Variants in ADCY2 observed in about 807,000 individuals in gnomAD.
ADCY2 encodes adenylate cyclase type 2.
ADCY2 carries 31 observed loss-of-function variants against 125.2 expected under a neutral mutation model. The ratio of observed to expected loss-of-function variants is 0.25; its 90% CI spans 0.19 to 0.33. ADCY2 has a LOEUF of 0.33. ADCY2 is among the 10% of genes least tolerant of loss of function. The pLI, the probability that ADCY2 is intolerant of heterozygous loss-of-function variation, is 1.00. For missense variants in ADCY2, 904 were observed against 1,418.2 expected (o/e 0.64, Z 5.82); for synonymous variants, 512 against 548.4 (o/e 0.93, Z 0.93).
At chr5:7,654,148 A>G (rs1394314272) in intron 4 of ADCY2, 1 of 455,796 alleles carries the variant, frequency 2.2e-6, no homozygotes, top group Non-Finnish European at 4.4e-6. Flanking sequence ...AAGAGAAGTC[A>G]GGAAAGGGCC....
intron 20 of ADCY2, chr5:7,799,797 G>A (rs1427427533): frequency 6.6e-6 from 1 of 152,290 alleles, no homozygotes; most frequent in Non-Finnish European, 1.5e-5. Flanking sequence ...TCAGTGGGGA[G>A]GCCCAGGCAC....
At chr5:7,801,171 A>AAACCTTGG (rs1225510330) in intron 20 of ADCY2, 2 of 152,230 alleles carry the variant, frequency 1.3e-5, no homozygotes, top group Non-Finnish European at 2.9e-5. Context: ...AGGTGCCACC[A>AAACCTTGG]AACCTTGGAG....
chr5:7,776,273 CT>C (rs146958480), intron 18 of ADCY2, among the ~76,000 whole-genome samples: 20,780 of 151,468 alleles, frequency 0.14, 2,249 homozygotes, highest in East Asian at 0.62. Flanking sequence ...CCAGAGGTGC[CT>C]CTGAGGGTGG....
chr5:7,597,604 A>G (rs996641364), intron 3 of ADCY2, among the ~76,000 whole-genome samples: 1 of 152,150 alleles, frequency 6.6e-6, no homozygotes. Flanking sequence ...ACAAAAACCC[A>G]TCTGTATAAA....
intron 2 of ADCY2, among the ~76,000 whole-genome samples, chr5:7,415,802 G>A (rs1033240512): frequency 6.6e-6 from 1 of 152,162 alleles, no homozygotes; most frequent in Non-Finnish European, 1.5e-5. Context: ...ATCTGACAGC[G>A]TGATAAATGG....
At chr5:7,563,324 G>T (rs1214951257) in intron 3 of ADCY2, among the ~76,000 whole-genome samples, 3 of 152,154 alleles carry the variant, frequency 2.0e-5, no homozygotes, top group Non-Finnish European at 4.4e-5. Flanking sequence ...AATAAAATAT[G>T]CAGAGGAAAC....
At position 7,727,168 on chromosome 5, in the gene ADCY2, G is replaced by A. The variant is rs762541068; in HGVS notation, c.1778G>A (p.Arg593Gln). ...AGGTTCCTTTCTCCCCCTCAGTACC[G>A]GGCCACGGCACTGCCAGCGTTCAAG... The part of the protein sequence containing the change: ...FYNKVLEKEY[R>Q]ATALPAFKYY... Residue 593 changes from arginine to glutamine, a missense_variant, in exon 14 of 25, where the codon CGG becomes CAG. Physicochemically the swap from Arg to Gln is conservative, Grantham distance 43 (BLOSUM62 1). Around this residue, in one of 7 missense-constraint regions of ADCY2, gnomAD observed 144 missense variants for 227.7 expected, o/e 0.63. Transcript: ENST00000338316. The A allele has an allele frequency of 4.3e-6, 7 of 1,613,392 alleles. No individual in the cohort carries two copies. The highest frequency in any genetic ancestry group is 2.2e-5 in the East Asian group (1 of 44,890).
chr5:7,421,086 A>G (rs1391695662), intron 2 of ADCY2, among the ~76,000 whole-genome samples: 3 of 151,968 alleles, frequency 2.0e-5, no homozygotes, highest in Non-Finnish European at 4.4e-5. Context: ...GGCGCCCACC[A>G]GTCCCACCGG....
chr5:7,653,106 C>T (rs149025323), intron 4 of ADCY2, among the ~76,000 whole-genome samples: 66 of 152,332 alleles, frequency 4.3e-4, no homozygotes, highest in Middle Eastern at 6.8e-3. Context: ...GGAGGGCTGA[C>T]ATTTCAGTGC....
At chr5:7,824,229 G>C (rs2126544345) in intron 24 of ADCY2, among the ~76,000 whole-genome samples, 1 of 152,096 alleles carries the variant, frequency 6.6e-6, no homozygotes, top group Non-Finnish European at 1.5e-5. Flanking sequence ...ATGCTTTCTA[G>C]CCTGGAAACC....
chr5:7,774,338 G>A (rs1743649023), intron 18 of ADCY2, among the ~76,000 whole-genome samples: 1 of 152,222 alleles, frequency 6.6e-6, no homozygotes, highest in Admixed American at 6.5e-5. Context: ...AATGAGAATG[G>A]AAGTTAATTT....
intron 3 of ADCY2, among the ~76,000 whole-genome samples, chr5:7,523,468 G>A (rs1286309889): frequency 6.6e-6 from 1 of 152,170 alleles, no homozygotes; most frequent in Non-Finnish European, 1.5e-5. Context: ...TCACTCCATA[G>A]TATTTTATAA....
chr5:7,507,928 A>G (rs1254340658), intron 2 of ADCY2, among the ~76,000 whole-genome samples: 2 of 151,802 alleles, frequency 1.3e-5, no homozygotes, highest in African/African-American at 4.8e-5. Context: ...TTGTAAAATT[A>G]AAAAAAAACT....
At chr5:7,703,339 A>G (rs1175065444) in intron 7 of ADCY2, among the ~76,000 whole-genome samples, 1 of 152,168 alleles carries the variant, frequency 6.6e-6, no homozygotes, top group Non-Finnish European at 1.5e-5. Flanking sequence ...GTTTTCTTCT[A>G]GGGTTTTTAT....
At chr5:7,417,094 A>G (rs555529764) in intron 2 of ADCY2, among the ~76,000 whole-genome samples, 12 of 152,300 alleles carry the variant, frequency 7.9e-5, no homozygotes, top group Admixed American at 5.9e-4. Flanking sequence ...ACATCCAGAA[A>G]TATGCTCTTT....
chr5:7,562,734 G>C (rs1437339083), intron 3 of ADCY2, among the ~76,000 whole-genome samples: 1 of 152,108 alleles, frequency 6.6e-6, no homozygotes, highest in Non-Finnish European at 1.5e-5. Context: ...TGTTAGTTTA[G>C]CTAGAAACTA....
intron 2 of ADCY2, among the ~76,000 whole-genome samples, chr5:7,434,850 G>T (rs1740736496): frequency 6.6e-6 from 1 of 152,208 alleles, no homozygotes; most frequent in Non-Finnish European, 1.5e-5. Flanking sequence ...CAGCGTCTGT[G>T]CTGTGGGAGG....
chr5:7,643,696 A>C (rs1723715719), intron 4 of ADCY2, among the ~76,000 whole-genome samples: 3 of 151,980 alleles, frequency 2.0e-5, no homozygotes, highest in African/African-American at 7.2e-5. Flanking sequence ...TGCTTTTTGG[A>C]GAAATAAATA....
In ADCY2 at chr5:7,665,099, C is replaced by A. The variant is rs1739666875; in HGVS notation, c.721-25592C>A. On this transcript the variant is annotated intron_variant, in intron 4 of 24. Coordinates refer to ENST00000338316, the MANE Select transcript of ADCY2 (RefSeq NM_020546.3). ...AAATATATAAACCCAAGCTGTGCCC[C>A]AACCACCATGGACACATGTTCTTGG... Among the ~76,000 whole-genome samples the A allele has an allele frequency of 1.3e-5, 2 of 152,148 alleles. 1 individual carries two copies. The highest frequency in any genetic ancestry group is 4.2e-4 in the South Asian group (2 of 4,816).
Sources: allele counts gnomAD v4.1 joint callset (sites outside exome capture counted in the v4.1 genomes callset), GRCh38; gene constraint gnomAD v4.1.1; regional missense constraint gnomAD v4.1.1; transcripts MANE v1.5; gene names NCBI Gene and HGNC (gene_info 2026-07-23, HGNC 2026-07-21).